The following CHRM3 variants were observed in gnomAD, a reference collection of about 807,000 sequenced individuals.
CHRM3 encodes cholinergic receptor muscarinic 3.
Under a neutral mutation model 41.8 loss-of-function variants are expected in CHRM3, and 11 were observed. The observed-to-expected ratio is 0.26, with a 90% CI of 0.17 to 0.44. The LOEUF is 0.44. CHRM3 is among the 20% of genes least tolerant of loss of function. The pLI, the probability that CHRM3 is intolerant of heterozygous loss-of-function variation, is 1.00. For synonymous variants in CHRM3, 297 were observed against 301.4 expected (o/e 0.99, Z 0.15); for missense variants, 571 against 745.4 (o/e 0.77, Z 2.72).
In CHRM3 at chr1:239,432,183, G is replaced by T. The variant is rs1192367710; in HGVS notation, c.-521+44956G>T. On this transcript the variant is annotated intron_variant, in intron 1 of 6. Coordinates refer to ENST00000676153, the MANE Select transcript of CHRM3 (RefSeq NM_001375978.1). The stretch of plus-strand genomic sequence containing the variant: ...AGGGGATCTGGATAAGGAAGAGGAA[G>T]AAGACAGGTGAGATGTTCACAATCT... Among the ~76,000 whole-genome samples, 5 of 151,752 alleles carry T rather than the reference G, an allele frequency of 3.3e-5. No homozygotes were observed. The East Asian group carries it at 5.8e-4, about 18-fold the overall frequency.
At chr1:239,890,855 A>G (rs987397026) in intron 6 of CHRM3, among the ~76,000 whole-genome samples, 3 of 152,210 alleles carry the variant, frequency 2.0e-5, no homozygotes, top group Non-Finnish European at 2.9e-5. Flanking sequence ...TTCCTTTGCA[A>G]CATAGTAATT....
intron 5 of CHRM3, among the ~76,000 whole-genome samples, chr1:239,709,743 T>C (rs1661572926): frequency 6.6e-6 from 1 of 152,200 alleles, no homozygotes; most frequent in African/African-American, 2.4e-5. Flanking sequence ...ACATTTATTT[T>C]AAGTTGGGAC....
intron 3 of CHRM3, among the ~76,000 whole-genome samples, chr1:239,613,870 A>C (rs1454678335): frequency 6.6e-6 from 1 of 152,138 alleles, no homozygotes; most frequent in Non-Finnish European, 1.5e-5. Flanking sequence ...ATCAAGAAGG[A>C]TGGGCTGGGC....
At chr1:239,881,151 T>TGC (rs1289086459) in intron 6 of CHRM3, among the ~76,000 whole-genome samples, 1 of 150,922 alleles carries the variant, frequency 6.6e-6, no homozygotes, top group Non-Finnish European at 1.5e-5. Flanking sequence ...GGCGTGGTGG[T>TGC]GGGCGCCTGT....
intron 5 of CHRM3, among the ~76,000 whole-genome samples, chr1:239,800,359 GTCA>G (rs1353921789): frequency 1.3e-5 from 2 of 152,158 alleles, no homozygotes; most frequent in African/African-American, 4.8e-5. Flanking sequence ...TTAAGATATC[GTCA>G]TCATCTCTTT....
chr1:239,767,143 T>C (rs1333340972), intron 5 of CHRM3, among the ~76,000 whole-genome samples: 1 of 152,194 alleles, frequency 6.6e-6, no homozygotes, highest in African/African-American at 2.4e-5. Context: ...TTTTTCCTGA[T>C]AAAAGTTCAG....
At chr1:239,494,402 G>A (rs1416934759) in intron 2 of CHRM3, among the ~76,000 whole-genome samples, 29 of 151,980 alleles carry the variant, frequency 1.9e-4, no homozygotes, top group Non-Finnish European at 2.9e-5. Context: ...CCTCAAATCC[G>A]TACTATGTGC....
intron 3 of CHRM3, among the ~76,000 whole-genome samples, chr1:239,600,608 A>G (rs950229264): frequency 1.3e-5 from 2 of 152,026 alleles, no homozygotes; most frequent in Non-Finnish European, 2.9e-5. Context: ...AGAAATAGGA[A>G]TTGACTCACA....
chr1:239,622,560 G>C (rs1668503142), intron 3 of CHRM3, among the ~76,000 whole-genome samples: 1 of 152,130 alleles, frequency 6.6e-6, no homozygotes, highest in African/African-American at 2.4e-5. Context: ...GATGAAGAAA[G>C]AATAAATACC....
At chr1:239,576,598 A>G (rs536020161) in intron 3 of CHRM3, among the ~76,000 whole-genome samples, 2,861 of 148,146 alleles carry the variant, frequency 0.019, 83 homozygotes, top group African/African-American at 0.069. Context: ...ACACACGCAC[A>G]CACACACACA....
At chr1:239,863,216 A>C (rs958334687) in intron 6 of CHRM3, among the ~76,000 whole-genome samples, 3 of 152,182 alleles carry the variant, frequency 2.0e-5, no homozygotes, top group African/African-American at 4.8e-5. Flanking sequence ...AGACACCCTG[A>C]ATATAAACTT....
At chr1:239,497,077 T>C (rs1361407281) in intron 2 of CHRM3, among the ~76,000 whole-genome samples, 1 of 152,122 alleles carries the variant, frequency 6.6e-6, no homozygotes, top group African/African-American at 2.4e-5. Flanking sequence ...TAGAGAGACA[T>C]GTTATTTTAA....
At chr1:239,745,451 A>AAAAG (rs558205966) in intron 5 of CHRM3, among the ~76,000 whole-genome samples, 269 of 151,946 alleles carry the variant, frequency 1.8e-3, no homozygotes, top group African/African-American at 6.3e-3. Context: ...AAAAAAAAAA[A>AAAAG]TTTCCAAAGG....
At position 239,525,811 on chromosome 1, in the gene CHRM3, T is replaced by C. The variant is rs532009134; in HGVS notation, c.-421-19830T>C. The stretch of plus-strand genomic sequence containing the variant: ...GGAACAAGGGCATGTAGGCAAAAGA[T>C]GTAAATGCTTTCCACAGCCTGTTGC... On this transcript the variant is annotated intron_variant, in intron 2 of 6. Transcript: ENST00000676153. Among the ~76,000 whole-genome samples, 7 of 152,368 alleles carry C rather than the reference T, an allele frequency of 4.6e-5. No homozygotes were observed. In the South Asian group the frequency reaches 1.4e-3, roughly 32 times the overall value.
chr1:239,903,074 T>C lies in CHRM3; in HGVS notation c.-19-4359T>C, dbSNP rs558674929. 1.6e-4 allele frequency among the ~76,000 whole-genome samples: 25 copies of C among 152,332 alleles called. 1 individual carries two copies. The highest frequency in any genetic ancestry group is 1.5e-3 in the Admixed American group (23 of 15,302). Reference sequence around the variant, plus strand: ...AAACAGGTATTTAATTAACCTAATATAGAGAGCTAAACTCACCTATAGCTG... The same window carrying C: ...AAACAGGTATTTAATTAACCTAATACAGAGAGCTAAACTCACCTATAGCTG... On this transcript the variant is annotated intron_variant, in intron 6 of 6. Transcript: ENST00000676153.
At chr1:239,457,459 G>A (rs1665037133) in intron 1 of CHRM3, among the ~76,000 whole-genome samples, 1 of 152,120 alleles carries the variant, frequency 6.6e-6, no homozygotes, top group African/African-American at 2.4e-5. Context: ...TATTTTGAGA[G>A]CTCCAACTAT....
At chr1:239,617,015 T>C (rs1572944574) in intron 3 of CHRM3, among the ~76,000 whole-genome samples, 1 of 152,026 alleles carries the variant, frequency 6.6e-6, no homozygotes, top group East Asian at 1.9e-4. Flanking sequence ...TTCTGAAGAA[T>C]AATTTTGTTT....
intron 3 of CHRM3, among the ~76,000 whole-genome samples, chr1:239,589,752 G>A (rs1334687434): frequency 7.5e-5 from 11 of 146,848 alleles, no homozygotes; most frequent in African/African-American, 2.5e-4. Flanking sequence ...AATTATCTTT[G>A]GCAAAAAGAT....
intron 6 of CHRM3, among the ~76,000 whole-genome samples, chr1:239,841,057 G>A (rs1367480403): frequency 6.6e-6 from 1 of 152,156 alleles, no homozygotes; most frequent in Non-Finnish European, 1.5e-5. Context: ...GTGTTCCATG[G>A]CACCCTGACT....
Sources: gnomAD v4.1 joint callset for allele counts (sites outside exome capture counted in the v4.1 genomes callset) on GRCh38, gnomAD v4.1.1 for gene constraint, MANE v1.5 for transcripts, NCBI Gene and HGNC (gene_info 2026-07-23, HGNC 2026-07-21) for gene names.